Variants in UBTD2 observed in about 807,000 individuals in gnomAD.
UBTD2 encodes ubiquitin domain-containing protein 2.
In UBTD2, 9 loss-of-function variants were observed where a neutral mutation model predicts 19.8. The ratio of observed to expected loss-of-function variants is 0.46; its 90% confidence interval spans 0.27 to 0.79. The LOEUF is 0.79. Ranked by LOEUF, UBTD2 falls within the 30% of genes least tolerant of loss-of-function variation. The pLI is 0.14. For synonymous variants in UBTD2, 98 were observed against 103.9 expected (o/e 0.94, Z 0.35); for missense variants, 250 against 300.4 (o/e 0.83, Z 1.24).
intron 1 of UBTD2, among the ~76,000 whole-genome samples, chr5:172,241,498 TA>T (rs1272004363): frequency 6.7e-6 from 1 of 149,282 alleles, no homozygotes; most frequent in Non-Finnish European, 1.5e-5. Context: ...TGAGACAGAA[TA>T]AAACAACTAG....
chr5:172,252,956 A>G (rs992547307), intron 1 of UBTD2, among the ~76,000 whole-genome samples: 16 of 152,226 alleles, frequency 1.1e-4, no homozygotes, highest in Non-Finnish European at 2.4e-4. Context: ...CAAACAGAAA[A>G]AAACTACTAG....
intron 2 of UBTD2, among the ~76,000 whole-genome samples, chr5:172,223,819 A>C (rs1248955895): frequency 6.6e-6 from 1 of 152,166 alleles, no homozygotes; most frequent in Non-Finnish European, 1.5e-5. Flanking sequence ...AGGTACAGGG[A>C]TTGGTTCTCA....
At chr5:172,223,183 T>G (rs1771686482) in intron 2 of UBTD2, among the ~76,000 whole-genome samples, 1 of 152,234 alleles carries the variant, frequency 6.6e-6, no homozygotes, top group African/African-American at 2.4e-5. Context: ...GCTTAGCTTT[T>G]AATTGTTCCA....
At chr5:172,227,443 C>CAG (rs1372448773) in intron 2 of UBTD2, among the ~76,000 whole-genome samples, 1 of 152,160 alleles carries the variant, frequency 6.6e-6, no homozygotes, top group Non-Finnish European at 1.5e-5. Flanking sequence ...AACCCTACAA[C>CAG]AGTCCAGCAA....
intron 1 of UBTD2, among the ~76,000 whole-genome samples, chr5:172,277,322 T>C (rs999435375): frequency 1.3e-5 from 2 of 152,116 alleles, no homozygotes; most frequent in Non-Finnish European, 2.9e-5. Context: ...CTATTCTGTA[T>C]ACATCAGTGA....
chr5:172,217,707 G>T (rs1179003019), intron 2 of UBTD2, among the ~76,000 whole-genome samples: 3 of 152,052 alleles, frequency 2.0e-5, no homozygotes, highest in Non-Finnish European at 4.4e-5. Context: ...TGTCCAGGCT[G>T]GTCTCAAACT....
At chr5:172,270,800 A>G (rs1435847084) in intron 1 of UBTD2, among the ~76,000 whole-genome samples, 4 of 152,210 alleles carry the variant, frequency 2.6e-5, no homozygotes, top group Admixed American at 6.5e-5. Context: ...CTGTTAGACT[A>G]TAATAACCTA....
chr5:172,246,559 C>A (rs978635732), intron 1 of UBTD2, among the ~76,000 whole-genome samples: 2 of 150,724 alleles, frequency 1.3e-5, no homozygotes, highest in Admixed American at 1.3e-4. Context: ...GTTCTCCTGC[C>A]TCAGCCTCCC....
intron 2 of UBTD2, among the ~76,000 whole-genome samples, chr5:172,225,933 CTTTTTT>C (rs57155195): frequency 0.11 from 11,802 of 107,320 alleles, 479 homozygotes; most frequent in South Asian, 0.18. Context: ...GGCTTAAACT[CTTTTTT>C]TTTTTTTTTT....
intron 1 of UBTD2, among the ~76,000 whole-genome samples, chr5:172,266,446 A>C (rs1349776848): frequency 6.6e-6 from 1 of 152,194 alleles, no homozygotes; most frequent in Admixed American, 6.5e-5. Flanking sequence ...TTGGCATGCC[A>C]TCTATTCTGG....
At chr5:172,259,875 G>A (rs1338671179) in intron 1 of UBTD2, among the ~76,000 whole-genome samples, 1 of 151,990 alleles carries the variant, frequency 6.6e-6, no homozygotes, top group African/African-American at 2.4e-5. Context: ...CCAACACAGC[G>A]AAACCAGTCT....
At chr5:172,268,975 G>A (rs757428057) in intron 1 of UBTD2, among the ~76,000 whole-genome samples, 22 of 152,060 alleles carry the variant, frequency 1.4e-4, no homozygotes, top group Non-Finnish European at 2.8e-4. Flanking sequence ...CTGTGGTTAC[G>A]TAGGAGAACA....
chr5:172,267,863 G>A (rs1359158288), intron 1 of UBTD2, among the ~76,000 whole-genome samples: 1 of 152,216 alleles, frequency 6.6e-6, no homozygotes, highest in Non-Finnish European at 1.5e-5. Flanking sequence ...AAGCTGGGAA[G>A]TCAACTGACT....
chr5:172,250,094 G>T (rs915425595), intron 1 of UBTD2, among the ~76,000 whole-genome samples: 2 of 151,960 alleles, frequency 1.3e-5, no homozygotes, highest in African/African-American at 4.8e-5. Context: ...GTGGTGGTGG[G>T]TGCCTGTAAT....
intron 1 of UBTD2, among the ~76,000 whole-genome samples, chr5:172,236,086 G>A (rs1772002869): frequency 6.6e-6 from 1 of 152,150 alleles, no homozygotes; most frequent in Non-Finnish European, 1.5e-5. Flanking sequence ...CCAGACCCTG[G>A]GCTATCTCTA....
chr5:172,219,367 AT>A (rs1210437412), intron 2 of UBTD2, among the ~76,000 whole-genome samples: 1 of 152,218 alleles, frequency 6.6e-6, no homozygotes, highest in Non-Finnish European at 1.5e-5. Flanking sequence ...GAATCACACA[AT>A]TCACAAGTTT....
At chr5:172,255,879 A>G (rs373274152) in intron 1 of UBTD2, among the ~76,000 whole-genome samples, 17 of 152,224 alleles carry the variant, frequency 1.1e-4, no homozygotes, top group African/African-American at 4.1e-4. Context: ...ACCTGAGGTC[A>G]GGAGTTCGAG....
rs865938777 is a variant in UBTD2, at chr5:172,269,934, G to A, written c.70+13662C>T. Among the ~76,000 whole-genome samples the A allele has an allele frequency of 3.3e-5, 5 of 151,300 alleles. No individual in the cohort carries two copies. In the South Asian group the frequency reaches 1.0e-3, roughly 32 times the overall value. ...CTACTAAAAATACAAAAAATTAGCT[G>A]GGCATGGTTGCGCATGCCTGTAATC... On this transcript the variant is annotated intron_variant, in intron 1 of 2. Transcript: ENST00000393792.
chr5:172,235,089 T>A (rs201618240), intron 1 of UBTD2, among the ~76,000 whole-genome samples: 204 of 133,778 alleles, frequency 1.5e-3, no homozygotes, highest in East Asian at 5.7e-3. Context: ...TCTAAAAAAA[T>A]TTTTTTTTAA....
Sources: allele counts gnomAD v4.1 joint callset (sites outside exome capture counted in the v4.1 genomes callset), GRCh38; gene constraint gnomAD v4.1.1; transcripts MANE v1.5; gene names NCBI Gene and HGNC (gene_info 2026-07-23, HGNC 2026-07-21).